Variants in PCDHGA12 observed in about 807,000 individuals in gnomAD.
PCDHGA12 encodes protocadherin gamma subfamily A, 12.
In PCDHGA12, 43 loss-of-function variants were observed where a neutral mutation model predicts 61.1. The ratio of observed to expected loss-of-function variants is 0.70; its 90% confidence interval spans 0.55 to 0.91. The LOEUF (loss-of-function observed/expected upper bound fraction) is 0.91. PCDHGA12 is among the 40% of genes least tolerant of loss of function. The pLI, the probability that PCDHGA12 is intolerant of heterozygous loss-of-function variation, is 0.00. For missense variants in PCDHGA12, 1,236 were observed against 1,227.7 expected (o/e 1.01, Z -0.10); for synonymous variants, 520 against 542.9 (o/e 0.96, Z 0.59).
rs1001719735 is a variant in PCDHGA12 at position 141,512,055 on chromosome 5, TGAC to T, written c.*883_*885del. 10 of 152,698 alleles carry T rather than the reference TGAC, an allele frequency of 6.5e-5. No homozygotes were observed. The highest frequency in any genetic ancestry group is 1.4e-4 in the African/African-American group (6 of 41,450). 9.5% of individuals were successfully genotyped at this position (152,698 alleles called of 1,614,324 possible). On this transcript the variant is annotated 3_prime_UTR_variant, in exon 4 of 4. Coordinates refer to ENST00000252085, the MANE Select transcript of PCDHGA12 (RefSeq NM_003735.3). ...GAGGCTCTGTATGTCCTCAGGGGACTGACAACATCCTCCAGATTCCAGCCATAA... is the reference window on the plus strand; with the variant it reads ...GAGGCTCTGTATGTCCTCAGGGGACTAACATCCTCCAGATTCCAGCCATAA...
chr5:141,469,499 C>T lies in PCDHGA12; in HGVS notation c.2425-25308C>T, dbSNP rs1023274165. Among the ~76,000 whole-genome samples, 22 of 152,128 alleles carry T rather than the reference C, an allele frequency of 1.4e-4. 1 individual carries two copies. The highest frequency in any genetic ancestry group is 3.9e-4 in the African/African-American group (16 of 41,510). On this transcript the variant is annotated intron_variant, in intron 1 of 3. Coordinates refer to ENST00000252085, the MANE Select transcript of PCDHGA12 (RefSeq NM_003735.3). ...CTGAGGCAGGAGAATCGCTTGAACC[C>T]GGGAGGTGGAGGTTGCAGTGAGCCA...
intron 1 of PCDHGA12, among the ~76,000 whole-genome samples, chr5:141,460,251 A>G (rs2098984972): frequency 6.6e-6 from 1 of 152,114 alleles, no homozygotes; most frequent in Admixed American, 6.6e-5. Context: ...TAATTTTGAT[A>G]AAGCCCAATT....
chr5:141,431,225 C>A lies in PCDHGA12; in HGVS notation c.466C>A (p.His156Asn). Residue 156 changes from histidine (H) to asparagine (N), a missense_variant, in exon 1 of 4, where the codon CAC becomes AAC. Physicochemically the swap from His to Asn is moderately conservative, Grantham distance 68 (BLOSUM62 1). Coordinates refer to ENST00000252085, the MANE Select transcript of PCDHGA12 (RefSeq NM_003735.3). The surrounding 1 kb of genome is among the most constrained non-coding windows in gnomAD (Gnocchi z 4.8). ...CACTGAGATGCGGTTCCCTCTACCC[C>A]ACGCCTGGGATCCGGATATCGGGAA... ...AATEMRFPLPHAWDPDIGKNS... is the reference protein window; with the variant it reads ...AATEMRFPLPNAWDPDIGKNS... The A allele has an allele frequency of 1.2e-6, 2 of 1,614,118 alleles. No individual in the cohort carries two copies. The highest frequency in any genetic ancestry group is 1.7e-6 in the Non-Finnish European group (2 of 1,180,036).
chr5:141,508,479 T>G (rs1361434920), intron 3 of PCDHGA12, among the ~76,000 whole-genome samples: 1 of 152,152 alleles, frequency 6.6e-6, no homozygotes, highest in Non-Finnish European at 1.5e-5. Flanking sequence ...TCTTTTACAT[T>G]CTGGATTTCC....
chr5:141,505,592 A>T, intron 3 of PCDHGA12, 111 bp downstream of exon 3: 2 of 1,567,266 alleles, frequency 1.3e-6, no homozygotes, highest in Admixed American at 3.6e-5. Flanking sequence ...GTTTCTCCAG[A>T]TCTTTCGGCA....
chr5:141,456,312 GCTC>G (rs2098849548), intron 1 of PCDHGA12, among the ~76,000 whole-genome samples: 1 of 152,126 alleles, frequency 6.6e-6, no homozygotes, highest in Admixed American at 6.6e-5. Context: ...AGCAGCTAGG[GCTC>G]CTCCTGGGGT....
chr5:141,447,533 G>T (rs2098541881), intron 1 of PCDHGA12, among the ~76,000 whole-genome samples: 1 of 152,120 alleles, frequency 6.6e-6, no homozygotes, highest in South Asian at 2.1e-4. Flanking sequence ...CAAAATTGTT[G>T]GGTTTTAATG....
At chr5:141,446,621 C>T (rs1284919173) in intron 1 of PCDHGA12, among the ~76,000 whole-genome samples, 2 of 152,094 alleles carry the variant, frequency 1.3e-5, no homozygotes, top group Non-Finnish European at 2.9e-5. Flanking sequence ...GGACTACAGG[C>T]GTGCACCACC....
intron 1 of PCDHGA12, chr5:141,479,468 T>C (rs1473966646): frequency 1.3e-5 from 2 of 152,248 alleles, no homozygotes; most frequent in African/African-American, 4.8e-5. Context: ...TACAGTGACC[T>C]CTTGGGAGGG....
chr5:141,493,289 C>T lies in PCDHGA12; in HGVS notation c.2425-1518C>T, dbSNP rs925045650. 2.6e-5 allele frequency among the ~76,000 whole-genome samples: 4 copies of T among 152,176 alleles called. No individual in the cohort carries two copies. Among genetic ancestry groups the T allele is most frequent in the Non-Finnish European group, 5.9e-5 (4 of 68,030 alleles). On this transcript the variant is annotated intron_variant, in intron 1 of 3. Coordinates refer to ENST00000252085, the MANE Select transcript of PCDHGA12 (RefSeq NM_003735.3). The surrounding 1 kb of genome is among the most constrained non-coding windows in gnomAD (Gnocchi z 4.3). ...CTTCACAGAGGTCAAGTGACTTGCT[C>T]AAGTTCACAGAGCAAGTAAGAGAGA...
Position 141,485,955 on chromosome 5 carries a change from T to C in PCDHGA12, c.2425-8852T>C. 1 of 1,614,152 alleles carries C rather than the reference T, an allele frequency of 6.2e-7. No homozygotes were observed. Among genetic ancestry groups the C allele is most frequent in the Non-Finnish European group, 8.5e-7 (1 of 1,180,018 alleles). On this transcript the variant is annotated intron_variant, in intron 1 of 3. Transcript: ENST00000252085. This position sits in a 1 kb window ranked among gnomAD's most constrained non-coding sequence, Gnocchi z 5.7. ...GAGAGCGCACCAGCGGGCATGGTGC[T>C]CATCCAGCTCAATGCCTCAGACCCG...
rs754652710 is a variant in PCDHGA12 at position 141,476,367 on chromosome 5, G to A, written c.2425-18440G>A. Reference sequence around the variant, plus strand: ...TTCTTTGAGGTGAACCGGGAGACCGGAGAGATGTTTGTGAACGACCGTCTG... The same window carrying A: ...TTCTTTGAGGTGAACCGGGAGACCGAAGAGATGTTTGTGAACGACCGTCTG... On this transcript the variant is annotated intron_variant, in intron 1 of 3. Coordinates refer to ENST00000252085, the MANE Select transcript of PCDHGA12 (RefSeq NM_003735.3). The surrounding 1 kb of genome is among the most constrained non-coding windows in gnomAD (Gnocchi z 7.6). The A allele has an allele frequency of 2.5e-6, 4 of 1,614,172 alleles. No homozygotes were observed. In the South Asian group the frequency reaches 3.3e-5, roughly 13 times the overall value.
rs1421497518 is a variant in PCDHGA12 at position 141,431,979 on chromosome 5, A to G, written c.1220A>G (p.Asp407Gly). The part of the protein sequence containing the change: ...SYGNYYSLVT[D>G]IVLDREQVPS... ...GGAAATTACTATAGTTTAGTCACAGACATAGTCTTGGATAGGGAACAGGTT... is the reference window on the plus strand; with the variant it reads ...GGAAATTACTATAGTTTAGTCACAGGCATAGTCTTGGATAGGGAACAGGTT... Residue 407 changes from aspartate (D) to glycine (G), a missense_variant, in exon 1 of 4, where the codon GAC (aspartate) becomes GGC (glycine). Coordinates refer to ENST00000252085, the MANE Select transcript of PCDHGA12 (RefSeq NM_003735.3). This position sits in a 1 kb window ranked among gnomAD's most constrained non-coding sequence, Gnocchi z 4.8. 6.2e-7 allele frequency: 1 copy of G among 1,614,078 alleles called. No homozygotes were observed. The highest frequency in any genetic ancestry group is 1.3e-5 in the African/African-American group (1 of 74,932).
intron 1 of PCDHGA12, among the ~76,000 whole-genome samples, chr5:141,434,259 G>A (rs1452016594): frequency 6.6e-6 from 1 of 152,230 alleles, no homozygotes; most frequent in Non-Finnish European, 1.5e-5. Flanking sequence ...CATTGTGGGG[G>A]AGGTGGAAAT....
Position 141,491,886 on chromosome 5 carries a change from G to A in PCDHGA12, c.2425-2921G>A. On this transcript the variant is annotated intron_variant, in intron 1 of 3. Coordinates refer to ENST00000252085, the MANE Select transcript of PCDHGA12 (RefSeq NM_003735.3). The surrounding 1 kb of genome is among the most constrained non-coding windows in gnomAD (Gnocchi z 6.9). ...CCAGAGTGGCCGATTAAGGGATGGG[G>A]CTCCGAGCACCGGGGGTGGTGGCGA... 6.9e-7 allele frequency: 1 copy of A among 1,445,558 alleles called. No individual in the cohort carries two copies. Among genetic ancestry groups the A allele is most frequent in the Non-Finnish European group, 9.1e-7 (1 of 1,093,458 alleles). 89.5% of individuals were successfully genotyped at this position (1,445,558 alleles called of 1,614,324 possible). A position where few individuals can be genotyped will look rare whatever the true frequency, so the allele number is the denominator to read the frequency against.
At chr5:141,437,862 C>T (rs535370570) in intron 1 of PCDHGA12, among the ~76,000 whole-genome samples, 5 of 152,002 alleles carry the variant, frequency 3.3e-5, no homozygotes, top group African/African-American at 9.6e-5. Context: ...CTTAGCCTCC[C>T]GAGTAGCTGG....
In PCDHGA12 at chr5:141,432,540, T is replaced by C. The variant is rs147884705; in HGVS notation, c.1781T>C (p.Val594Ala). The C allele has an allele frequency of 1.2e-6, 2 of 1,613,726 alleles. No homozygotes were observed. The highest frequency in any genetic ancestry group is 2.2e-5 in the South Asian group (2 of 91,058). The change falls in exon 1 of 4, where the codon GTG (valine) becomes GCG (alanine). Residue 594 changes from valine (V) to alanine (A), a missense_variant. Transcript: ENST00000252085. The surrounding 1 kb of genome is among the most constrained non-coding windows in gnomAD (Gnocchi z 6.0). ...TACCTGGTGACCAAGGTGGTGGCGG[T>C]GGACAGAGACTCCGGCCAGAACGCC... ...PGYLVTKVVAVDRDSGQNAWL... is the reference protein window; with the variant it reads ...PGYLVTKVVAADRDSGQNAWL...
chr5:141,477,438 C>G lies in PCDHGA12; in HGVS notation c.2425-17369C>G. 6.2e-7 allele frequency: 1 copy of G among 1,614,174 alleles called. No homozygotes were observed. Among genetic ancestry groups the G allele is most frequent in the Non-Finnish European group, 8.5e-7 (1 of 1,180,030 alleles). On this transcript the variant is annotated intron_variant, in intron 1 of 3. Coordinates refer to ENST00000252085, the MANE Select transcript of PCDHGA12 (RefSeq NM_003735.3). The surrounding 1 kb of genome is among the most constrained non-coding windows in gnomAD (Gnocchi z 4.9). ...GGAACCCCTTCCCTCTCAGCCCTTACAATAGTGCGTGTTCAAGTGTCCGAC... is the reference window on the plus strand; with the variant it reads ...GGAACCCCTTCCCTCTCAGCCCTTAGAATAGTGCGTGTTCAAGTGTCCGAC...
intron 1 of PCDHGA12, among the ~76,000 whole-genome samples, chr5:141,447,098 A>G (rs2098525979): frequency 6.6e-6 from 1 of 151,934 alleles, no homozygotes. Flanking sequence ...TTTCTTTCAC[A>G]TGATTATATG....
Sources: allele counts gnomAD v4.1 joint callset (sites outside exome capture counted in the v4.1 genomes callset), GRCh38; gene constraint gnomAD v4.1.1; non-coding constraint Gnocchi (gnomAD v3.1); transcripts MANE v1.5; gene names NCBI Gene and HGNC (gene_info 2026-07-23, HGNC 2026-07-21).